Variants in MARCHF1 observed in about 807,000 individuals in gnomAD.
MARCHF1 encodes the protein E3 ubiquitin-protein ligase MARCHF1.
A neutral mutation model predicts 54.2 loss-of-function variants in MARCHF1; 40 were observed. That is an observed-to-expected ratio of 0.74 (90% CI 0.57 to 0.96). MARCHF1 has a LOEUF of 0.96. Among genes scored for constraint, MARCHF1 ranks in the 40% least tolerant of loss-of-function variants. The pLI, the probability that MARCHF1 is intolerant of heterozygous loss-of-function variation, is 0.00. For missense variants in MARCHF1, 586 were observed against 656.5 expected (o/e 0.89, Z 1.17); for synonymous variants, 236 against 236.3 (o/e 1.00, Z 0.01).
intron 4 of MARCHF1, among the ~76,000 whole-genome samples, chr4:163,776,002 G>C (rs1174591523): frequency 6.6e-6 from 1 of 152,084 alleles, no homozygotes; most frequent in Non-Finnish European, 1.5e-5. Flanking sequence ...GCAGCTTTAG[G>C]CTATATTTCT....
intron 1 of MARCHF1, among the ~76,000 whole-genome samples, chr4:164,351,153 A>G (rs1375799951): frequency 2.0e-5 from 3 of 151,658 alleles, no homozygotes; most frequent in African/African-American, 7.3e-5. Flanking sequence ...GCAGCCTGAG[A>G]TCAAACTGCA....
At chr4:163,742,758 A>T (rs1173477949) in intron 4 of MARCHF1, among the ~76,000 whole-genome samples, 2 of 152,162 alleles carry the variant, frequency 1.3e-5, no homozygotes, top group Non-Finnish European at 2.9e-5. Context: ...AATTATGGGT[A>T]CGCCCAGTAC....
rs376459500 is a variant in MARCHF1 at position 163,706,616 on chromosome 4, G to A, written c.112-5753C>T. On this transcript the variant is annotated intron_variant, in intron 4 of 9. Coordinates refer to ENST00000514618, the MANE Select transcript of MARCHF1 (RefSeq NM_001394959.1). ...ATAAATTGTGATCTGAACAAATAAA[G>A]TACCATACTTTGATGGGAAGATAAT... Among the ~76,000 whole-genome samples the A allele has an allele frequency of 5.7e-4, 86 of 151,946 alleles. 2 individuals carry two copies. Among genetic ancestry groups the A allele is most frequent in the African/African-American group, 1.9e-3 (77 of 41,488 alleles).
chr4:163,638,509 A>T (rs1742433178), intron 5 of MARCHF1, among the ~76,000 whole-genome samples: 1 of 152,140 alleles, frequency 6.6e-6, no homozygotes, highest in Non-Finnish European at 1.5e-5. Context: ...CCCTCGCCAG[A>T]AGCTGAGCAC....
At chr4:164,248,607 C>T (rs1305806832) in intron 1 of MARCHF1, among the ~76,000 whole-genome samples, 2 of 151,908 alleles carry the variant, frequency 1.3e-5, no homozygotes, top group African/African-American at 2.4e-5. Flanking sequence ...TGTATGTTCA[C>T]AGGAATGTTA....
intron 4 of MARCHF1, among the ~76,000 whole-genome samples, chr4:163,758,217 G>A (rs998735862): frequency 6.6e-6 from 1 of 152,130 alleles, no homozygotes; most frequent in African/African-American, 2.4e-5. Flanking sequence ...AAGGCAGAAG[G>A]CCCCAGCTGG....
At chr4:164,010,333 G>A (rs902810615) in intron 2 of MARCHF1, among the ~76,000 whole-genome samples, 6 of 151,060 alleles carry the variant, frequency 4.0e-5, no homozygotes, top group African/African-American at 1.5e-4. Flanking sequence ...TCTTGACCTC[G>A]TGATCTGCCA....
At chr4:163,857,092 C>G (rs1749788989) in intron 3 of MARCHF1, among the ~76,000 whole-genome samples, 3 of 144,706 alleles carry the variant, frequency 2.1e-5, no homozygotes, top group South Asian at 4.3e-4. Flanking sequence ...AGGTGCAAAT[C>G]AGAAGGGAGA....
In MARCHF1 at chr4:163,527,656, G is replaced by GAATT. The variant is rs567540191; in HGVS notation, c.*1088_*1091dup. On this transcript the variant is annotated 3_prime_UTR_variant, in exon 10 of 10. Coordinates refer to ENST00000514618, the MANE Select transcript of MARCHF1 (RefSeq NM_001394959.1). ...TTTTGTGACTTTGAAATAAAAGAAT[G>GAATT]AATTAAACTGTTTTGAAATACTCAA... is the stretch of plus-strand genomic sequence containing the variant. 1.3e-5 allele frequency: 2 copies of GAATT among 151,962 alleles called. No homozygotes were observed. The highest frequency in any genetic ancestry group is 2.1e-4 in the South Asian group (1 of 4,810). 9.4% of individuals were successfully genotyped at this position (151,962 alleles called of 1,614,324 possible).
chr4:163,860,473 T>C (rs1402651110), intron 3 of MARCHF1, among the ~76,000 whole-genome samples: 1 of 152,178 alleles, frequency 6.6e-6, no homozygotes, highest in Non-Finnish European at 1.5e-5. Context: ...GAAAATATCT[T>C]GCAGAGGTTT....
chr4:164,270,566 T>C (rs1733721859), intron 1 of MARCHF1, among the ~76,000 whole-genome samples: 1 of 152,228 alleles, frequency 6.6e-6, no homozygotes, highest in South Asian at 2.1e-4. Context: ...AAATATCACA[T>C]TGGGCTTATC....
chr4:164,254,342 G>T (rs551571242), intron 1 of MARCHF1, among the ~76,000 whole-genome samples: 1 of 148,468 alleles, frequency 6.7e-6, no homozygotes, highest in South Asian at 2.1e-4. Context: ...ATATATAGAG[G>T]ATATTATATA....
chr4:163,924,618 T>C (rs1020750971), intron 3 of MARCHF1, among the ~76,000 whole-genome samples: 3 of 152,124 alleles, frequency 2.0e-5, no homozygotes, highest in African/African-American at 7.2e-5. Flanking sequence ...CAAACATAAA[T>C]GACCTTACTC....
chr4:164,240,470 T>C (rs1357151332), intron 1 of MARCHF1, among the ~76,000 whole-genome samples: 1 of 152,304 alleles, frequency 6.6e-6, no homozygotes, highest in East Asian at 1.9e-4. Flanking sequence ...ATTGGACCTC[T>C]GCTCCCAGAT....
chr4:163,665,544 T>C (rs1230384298), intron 5 of MARCHF1, among the ~76,000 whole-genome samples: 1 of 152,180 alleles, frequency 6.6e-6, no homozygotes. Flanking sequence ...TTTTTACATA[T>C]GTGATAACAG....
At chr4:163,972,768 A>G (rs917375202) in intron 3 of MARCHF1, among the ~76,000 whole-genome samples, 17 of 149,318 alleles carry the variant, frequency 1.1e-4, no homozygotes, top group Non-Finnish European at 8.9e-5. Context: ...TGTGTTAGCC[A>G]GGATAGTCTC....
chr4:164,364,904 G>C (rs1730836313), intron 1 of MARCHF1, among the ~76,000 whole-genome samples: 1 of 151,618 alleles, frequency 6.6e-6, no homozygotes, highest in African/African-American at 2.4e-5. Flanking sequence ...GTTCCTCAGG[G>C]TAGAGTAACA....
chr4:163,693,791 T>C (rs552774616), intron 5 of MARCHF1, among the ~76,000 whole-genome samples: 39 of 152,170 alleles, frequency 2.6e-4, no homozygotes, highest in Non-Finnish European at 4.6e-4. Flanking sequence ...CAGCAATTTA[T>C]TGAACAATGG....
chr4:164,170,605 A>G (rs1394889967), intron 1 of MARCHF1, among the ~76,000 whole-genome samples: 1 of 152,094 alleles, frequency 6.6e-6, no homozygotes, highest in East Asian at 1.9e-4. Flanking sequence ...AAAAGCCAAG[A>G]GTCTGTTAGG....
Sources: allele counts gnomAD v4.1 joint callset (sites outside exome capture counted in the v4.1 genomes callset), GRCh38; gene constraint gnomAD v4.1.1; transcripts MANE v1.5; gene names NCBI Gene and HGNC (gene_info 2026-07-23, HGNC 2026-07-21).